Variants in FANCC observed in about 807,000 individuals in gnomAD.
FANCC encodes the protein Fanconi anemia group C protein.
Under a neutral mutation model 71.3 loss-of-function variants are expected in FANCC, and 55 were observed. The observed-to-expected ratio is 0.77, with a 90% confidence interval of 0.62 to 0.97. FANCC has a LOEUF of 0.97. FANCC is among the 50% of genes least tolerant of loss of function. The pLI is 0.00. For synonymous variants in FANCC, 275 were observed against 244.9 expected, an observed-to-expected ratio of 1.12 and a Z score of -1.15; for missense variants, 678 against 670.9, an observed-to-expected ratio of 1.01 and a Z score of -0.12.
In FANCC at chr9:95,236,037, AAAG is replaced by A. The variant is rs981015693; in HGVS notation, c.345+4609_345+4611del. ...ATTTATAAGTTTTTTCTTTTTGAAA[AAAG>A]AAGAAAGTAGAGGACAGACGCTATC... On this transcript the variant is annotated intron_variant, in intron 4 of 14. Coordinates refer to ENST00000289081, the MANE Select transcript of FANCC (RefSeq NM_000136.3). Among the ~76,000 whole-genome samples, 15 of 152,174 alleles carry A rather than the reference AAAG, an allele frequency of 9.9e-5. 1 individual carries two copies. The highest frequency in any genetic ancestry group is 3.6e-4 in the African/African-American group (15 of 41,508).
At chr9:95,209,032 T>C (rs988276420) in intron 4 of FANCC, among the ~76,000 whole-genome samples, 1 of 152,188 alleles carries the variant, frequency 6.6e-6, no homozygotes, top group Non-Finnish European at 1.5e-5. Context: ...GGTAGGTGAA[T>C]GGATAAGCTG....
Position 95,101,805 on chromosome 9 carries a change from C to T in FANCC, c.1579G>A (p.Asp527Asn). 6.2e-7 allele frequency: 1 copy of T among 1,614,108 alleles called. No homozygotes were observed. Among genetic ancestry groups the T allele is most frequent in the South Asian group, 1.1e-5 (1 of 91,074 alleles). ...CGATTCCATCTGTACAAGGTCTGGT[C>T]AAGAAAGCCAATGATCTCGTGAGTT... ...EITHEIIGFL[D>N]QTLYRWNRLG... is the part of the protein sequence containing the mutation. The change falls in exon 15 of 15, where the codon GAC (aspartate) becomes AAC (asparagine). Residue 527 changes from aspartate to asparagine, a missense_variant. By Grantham distance (23) the Asp-to-Asn change is conservative. Transcript: ENST00000289081.
chr9:95,307,778 G>A (rs912547936), intron 1 of FANCC, among the ~76,000 whole-genome samples: 6 of 152,224 alleles, frequency 3.9e-5, no homozygotes, highest in Non-Finnish European at 8.8e-5. Flanking sequence ...TTTCACTCCT[G>A]CCAGTTGCTG....
At chr9:95,120,348 A>G (rs929681907) in intron 10 of FANCC, among the ~76,000 whole-genome samples, 2 of 152,120 alleles carry the variant, frequency 1.3e-5, no homozygotes, top group Admixed American at 1.3e-4. Context: ...TCTGGACTCA[A>G]TTCTGATCTA....
intron 1 of FANCC, among the ~76,000 whole-genome samples, chr9:95,269,452 G>T (rs1035923981): frequency 6.6e-6 from 1 of 152,228 alleles, no homozygotes; most frequent in Non-Finnish European, 1.5e-5. Context: ...AGCAAAGCTG[G>T]AGATCAGATG....
intron 1 of FANCC, among the ~76,000 whole-genome samples, chr9:95,315,835 CTGGTTCTCA>C (rs1835705685): frequency 6.6e-6 from 1 of 152,208 alleles, no homozygotes; most frequent in South Asian, 2.1e-4. Flanking sequence ...CTCCCTGTAG[CTGGTTCTCA>C]TAAACACGAA....
At chr9:95,181,176 T>TAC (rs1564729385) in intron 4 of FANCC, among the ~76,000 whole-genome samples, 2 of 150,730 alleles carry the variant, frequency 1.3e-5, no homozygotes, top group African/African-American at 2.5e-5. Flanking sequence ...TGTGTGTGTG[T>TAC]GTGTGTGTGT....
At chr9:95,213,238 A>T (rs1463158936) in intron 4 of FANCC, among the ~76,000 whole-genome samples, 12 of 152,306 alleles carry the variant, frequency 7.9e-5, no homozygotes, top group African/African-American at 2.9e-4. Context: ...TCTATAGGAC[A>T]CTGCTGCCCT....
chr9:95,209,538 G>C lies in FANCC; in HGVS notation c.345+31111C>G, dbSNP rs116620458. 9.6e-3 allele frequency among the ~76,000 whole-genome samples: 1,459 copies of C among 152,158 alleles called. 22 individuals are homozygous for C. Among genetic ancestry groups the C allele is most frequent in the African/African-American group, 0.033 (1,387 of 41,510 alleles). On this transcript the variant is annotated intron_variant, in intron 4 of 14. Coordinates refer to ENST00000289081, the MANE Select transcript of FANCC (RefSeq NM_000136.3). ...TCAATTTTGCTGCAAACCTAAAACTGCTTTAAAAAATAAAGTTTATTCTTT... is the reference window on the plus strand; with the variant it reads ...TCAATTTTGCTGCAAACCTAAAACTCCTTTAAAAAATAAAGTTTATTCTTT...
At chr9:95,209,562 T>C (rs1412937168) in intron 4 of FANCC, among the ~76,000 whole-genome samples, 1 of 152,222 alleles carries the variant, frequency 6.6e-6, no homozygotes, top group Non-Finnish European at 1.5e-5. Context: ...AGTTTATTCT[T>C]TTTAAAAGCC....
At chr9:95,143,623 T>G (rs1829090517) in intron 7 of FANCC, among the ~76,000 whole-genome samples, 1 of 152,232 alleles carries the variant, frequency 6.6e-6, no homozygotes, top group Non-Finnish European at 1.5e-5. Flanking sequence ...CTTCATTCTT[T>G]TTTTCACTTG....
chr9:95,297,596 T>C (rs1376401026), intron 1 of FANCC, among the ~76,000 whole-genome samples: 1 of 152,198 alleles, frequency 6.6e-6, no homozygotes, highest in Non-Finnish European at 1.5e-5. Flanking sequence ...CTCCATTACT[T>C]TATTTGTGTA....
At chr9:95,131,079 G>A (rs1309628587) in intron 8 of FANCC, among the ~76,000 whole-genome samples, 2 of 152,084 alleles carry the variant, frequency 1.3e-5, no homozygotes, top group East Asian at 1.9e-4. Flanking sequence ...ATCTTTACCA[G>A]ATGTTGTTTA....
intron 1 of FANCC, among the ~76,000 whole-genome samples, chr9:95,264,345 TAGA>T (rs1832256602): frequency 6.6e-6 from 1 of 152,198 alleles, no homozygotes; most frequent in Non-Finnish European, 1.5e-5. Flanking sequence ...AAGGCTGTTG[TAGA>T]AGAAAAATAA....
intron 1 of FANCC, among the ~76,000 whole-genome samples, chr9:95,284,165 T>A (rs1156764480): frequency 2.0e-5 from 3 of 152,194 alleles, no homozygotes; most frequent in African/African-American, 7.2e-5. Context: ...TAAACACCTG[T>A]CGGCAAAACT....
chr9:95,114,180 A>AT lies in FANCC; in HGVS notation c.1154+448dup, dbSNP rs139897930. ...TTATTAGAGAGAAGGAAAAGCAAGC[A>AT]TTTAACATTCCACCCTACTGTGTAG... On this transcript the variant is annotated intron_variant, in intron 12 of 14. Coordinates refer to ENST00000289081, the MANE Select transcript of FANCC (RefSeq NM_000136.3). 2.6e-3 allele frequency: 539 copies of AT among 209,168 alleles called. 5 individuals are homozygous for AT. The highest frequency in any genetic ancestry group is 0.011 in the African/African-American group (507 of 44,432). 13.0% of individuals were successfully genotyped at this position (209,168 alleles called of 1,614,324 possible).
chr9:95,238,294 T>C (rs978721476), intron 4 of FANCC, among the ~76,000 whole-genome samples: 1 of 152,212 alleles, frequency 6.6e-6, no homozygotes, highest in Non-Finnish European at 1.5e-5. Context: ...CTCCTGACAA[T>C]GGGATATTCA....
intron 1 of FANCC, chr9:95,294,520 A>G (rs1439457226): frequency 1.3e-6 from 2 of 1,563,600 alleles, no homozygotes; most frequent in Non-Finnish European, 1.8e-6. Flanking sequence ...GAAACACTCC[A>G]GCTTTTCCAT....
At chr9:95,259,698 T>G (rs1205999059) in intron 1 of FANCC, among the ~76,000 whole-genome samples, 1 of 152,220 alleles carries the variant, frequency 6.6e-6, no homozygotes, top group Non-Finnish European at 1.5e-5. Flanking sequence ...AAATGGGATC[T>G]AATTAAACTA....
Sources: allele counts gnomAD v4.1 joint callset (sites outside exome capture counted in the v4.1 genomes callset), GRCh38; gene constraint gnomAD v4.1.1; transcripts MANE v1.5; gene names NCBI Gene and HGNC (gene_info 2026-07-23, HGNC 2026-07-21).